PCSK6: variants seen among roughly 807,000 people sequenced by gnomAD.
PCSK6 encodes the protein proprotein convertase subtilisin/kexin type 6, also known as paired basic amino acid cleaving enzyme 4.
PCSK6 carries 85 observed loss-of-function variants against 123.3 expected under a neutral mutation model. The observed-to-expected ratio is 0.69, with a 90% CI of 0.58 to 0.83. The LOEUF is 0.83. PCSK6 is among the 40% of genes least tolerant of loss of function. PCSK6 has a pLI of 0.00. For synonymous variants in PCSK6, 508 were observed against 516.0 expected (o/e 0.98, Z 0.21); for missense variants, 1,191 against 1,282.3 (o/e 0.93, Z 1.09).
intron 2 of PCSK6, among the ~76,000 whole-genome samples, chr15:101,436,042 A>G (rs2056590254): frequency 6.6e-6 from 1 of 152,132 alleles, no homozygotes; most frequent in African/African-American, 2.4e-5. Flanking sequence ...GGTGTTTTGA[A>G]ACTTTCACTC....
At chr15:101,442,126 C>T (rs1192513438) in intron 2 of PCSK6, among the ~76,000 whole-genome samples, 1 of 152,202 alleles carries the variant, frequency 6.6e-6, no homozygotes, top group Non-Finnish European at 1.5e-5. Context: ...GAAAAACATT[C>T]CTTCATGTTC....
rs148192585 is a variant in PCSK6 at position 101,408,315 on chromosome 15, T to C, written c.824-9739A>G. Among the ~76,000 whole-genome samples the C allele has an allele frequency of 3.2e-3, 491 of 152,330 alleles. 1 individual carries two copies. The highest frequency in any genetic ancestry group is 5.9e-3 in the Admixed American group (90 of 15,306). On this transcript the variant is annotated intron_variant, in intron 6 of 21. Coordinates refer to ENST00000611716, the MANE Select transcript of PCSK6 (RefSeq NM_002570.5). ...TGTTTCTAAGACTCAGCGTGCTCTC[T>C]TCCTGTCTCTCTGCTTCTTTCTTAT...
chr15:101,396,916 G>A (rs1179206670), intron 7 of PCSK6, among the ~76,000 whole-genome samples: 2 of 152,088 alleles, frequency 1.3e-5, no homozygotes, highest in Admixed American at 6.6e-5. Flanking sequence ...GGGACAGGTG[G>A]GTAGATACCC....
At chr15:101,483,600 G>C (rs1202272877) in intron 1 of PCSK6, among the ~76,000 whole-genome samples, 1 of 152,236 alleles carries the variant, frequency 6.6e-6, no homozygotes, top group Admixed American at 6.5e-5. Context: ...AGCAGACGCT[G>C]AGCTGTTGTG....
chr15:101,453,413 A>G (rs1371362967), intron 1 of PCSK6, among the ~76,000 whole-genome samples: 1 of 152,106 alleles, frequency 6.6e-6, no homozygotes, highest in Non-Finnish European at 1.5e-5. Flanking sequence ...CTGCTCGCTA[A>G]CTTCCCTGTG....
intron 1 of PCSK6, among the ~76,000 whole-genome samples, chr15:101,467,959 G>A (rs766631362): frequency 7.9e-5 from 12 of 152,180 alleles, no homozygotes; most frequent in Non-Finnish European, 1.6e-4. Flanking sequence ...GTCACTGGAC[G>A]GGTGGTGGCT....
intron 1 of PCSK6, among the ~76,000 whole-genome samples, chr15:101,469,565 C>T (rs753549794): frequency 7.2e-5 from 11 of 152,178 alleles, no homozygotes; most frequent in African/African-American, 1.2e-4. Flanking sequence ...TCCTCTTTTG[C>T]GTCAGTGGTG....
At chr15:101,375,486 C>A (rs1475275297) in intron 11 of PCSK6, among the ~76,000 whole-genome samples, 1 of 152,194 alleles carries the variant, frequency 6.6e-6, no homozygotes, top group Non-Finnish European at 1.5e-5. Context: ...TAACAGTCTA[C>A]AATTCAACCT....
chr15:101,343,819 G>A (rs898710235), intron 13 of PCSK6, among the ~76,000 whole-genome samples: 1 of 152,164 alleles, frequency 6.6e-6, no homozygotes, highest in Non-Finnish European at 1.5e-5. Flanking sequence ...GGCCGGGCGC[G>A]GTGGCTCATG....
chr15:101,427,939 T>C lies in PCSK6; in HGVS notation c.776A>G (p.Asn259Ser), dbSNP rs1171000557. 3 of 1,589,110 alleles carry C rather than the reference T, an allele frequency of 1.9e-6. No individual in the cohort carries two copies. The South Asian group carries it at 3.5e-5, about 18-fold the overall frequency. ...TATGCCCACGATGCAGTAGGAATTG[T>C]TTGCTGAAGCAGCAACTTCTCCCGC... The part of the protein sequence containing the change: ...RCAGEVAASA[N>S]NSYCIVGIAY... Residue 259 changes from asparagine to serine, a missense_variant, in exon 6 of 22, where the codon AAC becomes AGC. Asn to Ser is a conservative substitution (Grantham distance 46, BLOSUM62 1). Transcript: ENST00000611716.
chr15:101,359,944 T>C (rs1207931520), intron 13 of PCSK6, among the ~76,000 whole-genome samples: 3 of 152,228 alleles, frequency 2.0e-5, no homozygotes, highest in Non-Finnish European at 2.9e-5. Context: ...TAAGTATCTT[T>C]GATTTAACCC....
intron 11 of PCSK6, among the ~76,000 whole-genome samples, chr15:101,379,495 C>T (rs144421885): frequency 3.9e-5 from 6 of 152,300 alleles, no homozygotes; most frequent in African/African-American, 7.2e-5. Flanking sequence ...GCAGTGCACA[C>T]GGATGCACAC....
At chr15:101,422,206 C>T (rs572635723) in intron 6 of PCSK6, among the ~76,000 whole-genome samples, 17 of 152,320 alleles carry the variant, frequency 1.1e-4, no homozygotes, top group Admixed American at 1.0e-3. Flanking sequence ...TTGGGACTGT[C>T]AGAGCTGCTG....
chr15:101,482,129 T>C (rs8043067), intron 1 of PCSK6, among the ~76,000 whole-genome samples: 32,572 of 152,230 alleles, frequency 0.21, 4,881 homozygotes, highest in African/African-American at 0.42. Flanking sequence ...TGATTTACCT[T>C]TGTCTGGGAA....
intron 1 of PCSK6, among the ~76,000 whole-genome samples, chr15:101,482,125 A>G (rs1298105602): frequency 6.6e-6 from 1 of 152,216 alleles, no homozygotes; most frequent in East Asian, 1.9e-4. Flanking sequence ...CTGATGATTT[A>G]CCTTTGTCTG....
chr15:101,386,548 G>A (rs922854201), intron 9 of PCSK6, among the ~76,000 whole-genome samples: 1 of 152,110 alleles, frequency 6.6e-6, no homozygotes, highest in African/African-American at 2.4e-5. Context: ...CAGGCACCAC[G>A]CTACTTTCTG....
chr15:101,359,706 G>A (rs920843542), intron 13 of PCSK6, among the ~76,000 whole-genome samples: 1 of 152,228 alleles, frequency 6.6e-6, no homozygotes, highest in Non-Finnish European at 1.5e-5. Context: ...GTGCACAGGT[G>A]TGCAGGGCAT....
At chr15:101,341,208 T>C (rs1350802973) in intron 13 of PCSK6, among the ~76,000 whole-genome samples, 1 of 151,468 alleles carries the variant, frequency 6.6e-6, no homozygotes, top group Non-Finnish European at 1.5e-5. Context: ...GTGCTAGGAT[T>C]ACAGGTGTGA....
chr15:101,427,821 A>G, intron 6 of PCSK6, 71 bp downstream of exon 6: 1 of 1,220,976 alleles, frequency 8.2e-7, no homozygotes. Flanking sequence ...TGCTGAGACC[A>G]GCGGACAGGG....
Sources: gnomAD v4.1 joint callset for allele counts (sites outside exome capture counted in the v4.1 genomes callset) on GRCh38, gnomAD v4.1.1 for gene constraint, MANE v1.5 for transcripts, NCBI Gene and HGNC (gene_info 2026-07-23, HGNC 2026-07-21) for gene names.